Variants in LINGO2 observed in about 807,000 individuals in gnomAD.
The protein encoded by LINGO2 is leucine-rich repeat and immunoglobulin-like domain-containing nogo receptor-interacting protein 2.
In LINGO2, 14 loss-of-function variants were observed where a neutral mutation model predicts 30.6. The observed-to-expected ratio is 0.46, with a 90% CI of 0.30 to 0.72. The LOEUF (loss-of-function observed/expected upper bound fraction) is 0.72. Among genes scored for constraint, LINGO2 ranks in the 30% least tolerant of loss-of-function variants. LINGO2 has a pLI of 0.07. For missense variants in LINGO2, 729 were observed against 751.7 expected, an observed-to-expected ratio of 0.97 and a Z score of 0.35; for synonymous variants, 317 against 288.5, an observed-to-expected ratio of 1.10 and a Z score of -1.00.
the LINGO2 span, among the ~76,000 whole-genome samples, chr9:28,681,422 T>C: frequency 6.6e-6 from 1 of 152,060 alleles, no homozygotes; most frequent in Admixed American, 6.6e-5. Context: ...TAGAAGCCAT[T>C]ACAACTGGCA....
chr9:28,994,101 T>C, the LINGO2 span, among the ~76,000 whole-genome samples: 2 of 151,944 alleles, frequency 1.3e-5, no homozygotes, highest in African/African-American at 4.8e-5. Context: ...GATGACATGA[T>C]TGTATATCTA....
At chr9:28,695,793 A>ATATATAG in the LINGO2 span, among the ~76,000 whole-genome samples, 1 of 151,902 alleles carries the variant, frequency 6.6e-6, no homozygotes, top group East Asian at 1.9e-4. Flanking sequence ...CTTTTAAAAA[A>ATATATAG]TATATAGTTC....
chr9:29,012,480 T>C, the LINGO2 span, among the ~76,000 whole-genome samples: 6 of 152,286 alleles, frequency 3.9e-5, no homozygotes, highest in Admixed American at 3.3e-4. Flanking sequence ...ACTTCAGAAT[T>C]TGCACATTTA....
At chr9:28,856,308 T>C in the LINGO2 span, among the ~76,000 whole-genome samples, 1 of 152,030 alleles carries the variant, frequency 6.6e-6, no homozygotes, top group Non-Finnish European at 1.5e-5. Flanking sequence ...AGGAACTATA[T>C]TTCATGCTGA....
chr9:28,949,277 T>G, the LINGO2 span, among the ~76,000 whole-genome samples: 14 of 151,550 alleles, frequency 9.2e-5, no homozygotes, highest in South Asian at 4.2e-4. Context: ...CTGAAGGAGA[T>G]AGAGACACGA....
intron 2 of LINGO2, among the ~76,000 whole-genome samples, chr9:28,398,915 T>C (rs1033415808): frequency 6.6e-6 from 1 of 152,078 alleles, no homozygotes; most frequent in Non-Finnish European, 1.5e-5. Flanking sequence ...AGTGATAAAA[T>C]TCAAGGAGAC....
intron 4 of LINGO2, among the ~76,000 whole-genome samples, chr9:28,222,526 AT>A (rs71502443): frequency 5.8e-4 from 83 of 143,180 alleles, no homozygotes; most frequent in Non-Finnish European, 8.9e-4. Context: ...TAAAGGCAAA[AT>A]TTAAAAAAAA....
chr9:28,079,223 G>A (rs1825708597), intron 4 of LINGO2, among the ~76,000 whole-genome samples: 1 of 152,136 alleles, frequency 6.6e-6, no homozygotes, highest in Admixed American at 6.6e-5. Flanking sequence ...GGAAAATCTA[G>A]CACTTGAATA....
At chr9:28,575,947 C>CACACACACAT (rs1370666572) in intron 1 of LINGO2, among the ~76,000 whole-genome samples, 1 of 151,818 alleles carries the variant, frequency 6.6e-6, no homozygotes, top group Non-Finnish European at 1.5e-5. Flanking sequence ...CACACACACA[C>CACACACACAT]ACACATACAT....
intron 4 of LINGO2, among the ~76,000 whole-genome samples, chr9:28,292,920 G>A (rs563969023): frequency 2.6e-5 from 4 of 151,342 alleles, no homozygotes; most frequent in South Asian, 4.2e-4. Context: ...ACAGGTGCCC[G>A]CCACCACGCT....
At chr9:27,995,084 C>G (rs1319557045) in intron 5 of LINGO2, among the ~76,000 whole-genome samples, 1 of 152,014 alleles carries the variant, frequency 6.6e-6, no homozygotes, top group Non-Finnish European at 1.5e-5. Context: ...CACAGAAATA[C>G]AAAGAATCAT....
At chr9:28,240,082 G>T (rs1156969262) in intron 4 of LINGO2, among the ~76,000 whole-genome samples, 3 of 151,978 alleles carry the variant, frequency 2.0e-5, no homozygotes, top group Non-Finnish European at 4.4e-5. Flanking sequence ...AGAAGTAAAA[G>T]ATTTCTACAA....
intron 3 of LINGO2, among the ~76,000 whole-genome samples, chr9:28,348,156 G>T (rs1016507496): frequency 4.6e-5 from 7 of 152,196 alleles, no homozygotes; most frequent in Middle Eastern, 3.4e-3. Flanking sequence ...CAAGATGGCC[G>T]AATAGGAACA....
intron 4 of LINGO2, among the ~76,000 whole-genome samples, chr9:28,198,984 T>C (rs1172300851): frequency 6.6e-6 from 1 of 152,200 alleles, no homozygotes; most frequent in African/African-American, 2.4e-5. Context: ...AAAAACATTA[T>C]TGGAAGATTT....
At chr9:28,997,983 A>G in the LINGO2 span, among the ~76,000 whole-genome samples, 2 of 152,158 alleles carry the variant, frequency 1.3e-5, no homozygotes, top group Non-Finnish European at 2.9e-5. Context: ...TTATTACCAG[A>G]CTTTACAAGA....
chr9:29,071,701 G>A, the LINGO2 span, among the ~76,000 whole-genome samples: 1 of 151,674 alleles, frequency 6.6e-6, no homozygotes, highest in African/African-American at 2.4e-5. Flanking sequence ...GTTTTGCAAA[G>A]GAGGTTTTTC....
the LINGO2 span, among the ~76,000 whole-genome samples, chr9:28,910,506 A>G: frequency 6.6e-6 from 1 of 152,084 alleles, no homozygotes; most frequent in African/African-American, 2.4e-5. Context: ...GTAATTCCCC[A>G]TGTTGGAAAT....
the LINGO2 span, among the ~76,000 whole-genome samples, chr9:29,166,425 C>T: frequency 4.6e-5 from 7 of 151,992 alleles, no homozygotes; most frequent in East Asian, 7.7e-4. Context: ...GGACAGAACA[C>T]GAACTCTCCA....
intron 4 of LINGO2, among the ~76,000 whole-genome samples, chr9:28,195,579 C>T (rs1016374218): frequency 2.7e-5 from 4 of 150,298 alleles, no homozygotes; most frequent in African/African-American, 9.7e-5. Flanking sequence ...TTTTTCACAA[C>T]CCTATATAAA....
Sources: gnomAD v4.1 joint callset for allele counts (sites outside exome capture counted in the v4.1 genomes callset) on GRCh38, gnomAD v4.1.1 for gene constraint, MANE v1.5 for transcripts, NCBI Gene and HGNC (gene_info 2026-07-23, HGNC 2026-07-21) for gene names.